CTNNA2: variants seen among roughly 807,000 people sequenced by gnomAD.
The protein encoded by CTNNA2 is catenin alpha 2, also known as catenin alpha-2.
In CTNNA2, 42 loss-of-function variants were observed where a neutral mutation model predicts 101.0. The observed-to-expected ratio is 0.42, with a 90% CI of 0.32 to 0.54. The LOEUF (loss-of-function observed/expected upper bound fraction) is 0.54. Ranked by LOEUF, CTNNA2 falls within the 20% of genes least tolerant of loss-of-function variation. CTNNA2 has a pLI of 0.14. For synonymous variants in CTNNA2, 450 were observed against 456.4 expected (o/e 0.99, Z 0.18); for missense variants, 871 against 1,223.1 (o/e 0.71, Z 4.29).
At chr2:80,306,400 T>TTTTCTTTTCTTTTCTTTTCTTTTC (rs1491389570) in intron 7 of CTNNA2, among the ~76,000 whole-genome samples, 7 of 109,198 alleles carry the variant, frequency 6.4e-5, no homozygotes, top group African/African-American at 2.9e-4. Flanking sequence ...TTTTCTTTTC[T>TTTTCTTTTCTTTTCTTTTCTTTTC]TTTCTTTCTT....
chr2:79,425,881 A>G (rs1350098125), intron 4 of CTNNA2, among the ~76,000 whole-genome samples: 2 of 152,168 alleles, frequency 1.3e-5, no homozygotes, highest in Non-Finnish European at 2.9e-5. Flanking sequence ...TCATATGTTT[A>G]TAGCTTCTAA....
intron 1 of CTNNA2, among the ~76,000 whole-genome samples, chr2:79,560,121 G>T (rs1282193011): frequency 1.3e-5 from 2 of 150,192 alleles, no homozygotes; most frequent in Non-Finnish European, 3.0e-5. Flanking sequence ...TTAGTTAAAA[G>T]AGAAAATGAC....
At chr2:80,595,105 T>G (rs1474640388) in intron 15 of CTNNA2, among the ~76,000 whole-genome samples, 1 of 152,094 alleles carries the variant, frequency 6.6e-6, no homozygotes, top group African/African-American at 2.4e-5. Flanking sequence ...ATTGACATCT[T>G]AATATTAAGT....
intron 2 of CTNNA2, among the ~76,000 whole-genome samples, chr2:79,658,076 G>T (rs1291598671): frequency 2.0e-5 from 3 of 151,708 alleles, no homozygotes; most frequent in Admixed American, 6.6e-5. Context: ...TCAAAACAAA[G>T]ATATTTCTTT....
chr2:79,705,741 T>G lies in CTNNA2; in HGVS notation c.103-38646T>G, dbSNP rs77958202. Among the ~76,000 whole-genome samples, 1,114 of 152,322 alleles carry G rather than the reference T, an allele frequency of 7.3e-3. 44 individuals carry two copies. The East Asian group carries it at 0.099, about 14-fold the overall frequency. On this transcript the variant is annotated intron_variant, in intron 2 of 18. Coordinates refer to ENST00000402739, the MANE Select transcript of CTNNA2 (RefSeq NM_001282597.3). Reference sequence around the variant, plus strand: ...AAATAAAATCACCAAAATGTAAATATTAAAAAATAATACTTGGTACTGCAT... The same window carrying G: ...AAATAAAATCACCAAAATGTAAATAGTAAAAAATAATACTTGGTACTGCAT...
At chr2:79,835,670 T>G (rs1191836224) in intron 3 of CTNNA2, among the ~76,000 whole-genome samples, 1 of 10,554 alleles carries the variant, frequency 9.5e-5, no homozygotes. Flanking sequence ...CTCTTTGTTT[T>G]TTTTTTTTTT....
At chr2:80,068,055 C>T (rs1698095359) in intron 7 of CTNNA2, among the ~76,000 whole-genome samples, 1 of 152,216 alleles carries the variant, frequency 6.6e-6, no homozygotes, top group Non-Finnish European at 1.5e-5. Flanking sequence ...CTTCAAGCCT[C>T]TAAATCGCAG....
chr2:80,117,612 C>A (rs1701599976), intron 7 of CTNNA2, among the ~76,000 whole-genome samples: 1 of 152,064 alleles, frequency 6.6e-6, no homozygotes, highest in African/African-American at 2.4e-5. Context: ...CATGCCCCAA[C>A]CCCCTGTGAA....
intron 7 of CTNNA2, among the ~76,000 whole-genome samples, chr2:80,149,271 T>A (rs1333990805): frequency 6.6e-6 from 1 of 152,170 alleles, no homozygotes; most frequent in Admixed American, 6.5e-5. Context: ...ACTCCTGGCC[T>A]CAAACAATCC....
At chr2:80,513,487 C>T (rs1330137699) in intron 9 of CTNNA2, among the ~76,000 whole-genome samples, 1 of 152,210 alleles carries the variant, frequency 6.6e-6, no homozygotes, top group Non-Finnish European at 1.5e-5. Context: ...CGGTTTTCTT[C>T]ACTTTCCTCA....
At chr2:80,376,348 C>T (rs1411094406) in intron 7 of CTNNA2, among the ~76,000 whole-genome samples, 2 of 151,770 alleles carry the variant, frequency 1.3e-5, no homozygotes, top group Admixed American at 1.3e-4. Context: ...GAATGACAAC[C>T]ATTTTAGGTC....
chr2:79,877,328 T>A lies in CTNNA2; in HGVS notation c.852+2986T>A, dbSNP rs1683103162. 2.6e-5 allele frequency among the ~76,000 whole-genome samples: 4 copies of A among 152,290 alleles called. No homozygotes were observed. In the South Asian group the frequency reaches 8.3e-4, roughly 32 times the overall value. ...AATGCAATTTAATTTCAGCACTTTC[T>A]CAAAAGTAGTAATGCTAGTAAATTA... On this transcript the variant is annotated intron_variant, in intron 6 of 18. Coordinates refer to ENST00000402739, the MANE Select transcript of CTNNA2 (RefSeq NM_001282597.3).
intron 7 of CTNNA2, among the ~76,000 whole-genome samples, chr2:80,147,544 G>A (rs1018196574): frequency 5.9e-5 from 9 of 152,190 alleles, no homozygotes; most frequent in African/African-American, 2.2e-4. Flanking sequence ...AGGACTCCCT[G>A]TCAGATTTTC....
At chr2:79,330,931 G>A (rs1676857203) in intron 3 of CTNNA2, among the ~76,000 whole-genome samples, 1 of 152,124 alleles carries the variant, frequency 6.6e-6, no homozygotes, top group African/African-American at 2.4e-5. Flanking sequence ...AACAATTATG[G>A]AGCCATGGGC....
chr2:80,024,741 G>A (rs1247059580), intron 7 of CTNNA2, among the ~76,000 whole-genome samples: 3 of 152,128 alleles, frequency 2.0e-5, no homozygotes, highest in Admixed American at 6.5e-5. Flanking sequence ...GAGCCCCAGA[G>A]GGTGTATGTT....
At chr2:79,913,303 G>T (rs1558635982) in intron 7 of CTNNA2, among the ~76,000 whole-genome samples, 1 of 152,120 alleles carries the variant, frequency 6.6e-6, no homozygotes, top group Non-Finnish European at 1.5e-5. Flanking sequence ...TGAGGAGGAA[G>T]GGATGACAAG....
intron 7 of CTNNA2, among the ~76,000 whole-genome samples, chr2:80,127,745 T>G (rs1416655644): frequency 6.6e-6 from 1 of 152,164 alleles, no homozygotes; most frequent in Non-Finnish European, 1.5e-5. Flanking sequence ...GTCAAGACAC[T>G]AATGCCAAAT....
At chr2:80,308,341 TTTTAATG>T (rs1338808988) in intron 7 of CTNNA2, among the ~76,000 whole-genome samples, 1 of 152,222 alleles carries the variant, frequency 6.6e-6, no homozygotes, top group Non-Finnish European at 1.5e-5. Context: ...TGAGTGATTA[TTTTAATG>T]TTCTGTCATC....
At chr2:80,003,921 G>A (rs1202395203) in intron 7 of CTNNA2, among the ~76,000 whole-genome samples, 1 of 152,164 alleles carries the variant, frequency 6.6e-6, no homozygotes, top group Non-Finnish European at 1.5e-5. Context: ...ACAAGGGAAG[G>A]ATGAGGATGT....
Sources: gnomAD v4.1 joint callset for allele counts (sites outside exome capture counted in the v4.1 genomes callset) on GRCh38, gnomAD v4.1.1 for gene constraint, MANE v1.5 for transcripts, NCBI Gene and HGNC (gene_info 2026-07-23, HGNC 2026-07-21) for gene names.